The following CASR variants were observed in gnomAD, a reference collection of about 807,000 sequenced individuals.
CASR encodes calcium sensing receptor.
In CASR, 23 loss-of-function variants were observed where a neutral mutation model predicts 69.1. The observed-to-expected ratio is 0.33, with a 90% CI of 0.24 to 0.47. The LOEUF (loss-of-function observed/expected upper bound fraction) is 0.47. Ranked by LOEUF, CASR falls within the 20% of genes least tolerant of loss-of-function variation. CASR has a pLI of 1.00. For synonymous variants in CASR, 541 were observed against 544.7 expected, an observed-to-expected ratio of 0.99 and a Z score of 0.10; for missense variants, 924 against 1,356.1, an observed-to-expected ratio of 0.68 and a Z score of 5.00.
chr3:122,190,228 G>T (rs2107579401), intron 1 of CASR, among the ~76,000 whole-genome samples: 1 of 152,326 alleles, frequency 6.6e-6, no homozygotes, highest in African/African-American at 2.4e-5. Flanking sequence ...GCCCCTGCCA[G>T]TTAGAGCCCT....
At chr3:122,204,121 A>T (rs890666640) in intron 1 of CASR, among the ~76,000 whole-genome samples, 1 of 152,052 alleles carries the variant, frequency 6.6e-6, no homozygotes, top group African/African-American at 2.4e-5. Flanking sequence ...CTTCTCTTCT[A>T]GCTATTTTGA....
chr3:122,218,427 G>A (rs549470468), intron 1 of CASR, among the ~76,000 whole-genome samples: 4 of 151,782 alleles, frequency 2.6e-5, no homozygotes, highest in Non-Finnish European at 5.9e-5. Context: ...CCAGCTACTC[G>A]GGAGGCTGAG....
chr3:122,184,172 G>A (rs934632066), intron 1 of CASR: 2 of 152,368 alleles, frequency 1.3e-5, no homozygotes, highest in East Asian at 1.9e-4. Context: ...AAGGAACCGG[G>A]ACTAACTGGG....
At chr3:122,233,759 TA>T (rs2107610128) in intron 1 of CASR, among the ~76,000 whole-genome samples, 1 of 152,268 alleles carries the variant, frequency 6.6e-6, no homozygotes, top group South Asian at 2.1e-4. Flanking sequence ...CACAGGAAGG[TA>T]ACCAGCTCCC....
chr3:122,234,035 G>C (rs2074304602), intron 1 of CASR, among the ~76,000 whole-genome samples: 1 of 152,232 alleles, frequency 6.6e-6, no homozygotes, highest in Non-Finnish European at 1.5e-5. Flanking sequence ...TCCTCTGATT[G>C]AGAAAGCTGG....
intron 1 of CASR, among the ~76,000 whole-genome samples, chr3:122,212,830 C>A (rs777094454): frequency 6.6e-6 from 1 of 151,946 alleles, no homozygotes; most frequent in Non-Finnish European, 1.5e-5. Context: ...TTAGTAGAGA[C>A]GGGGTTTCTC....
In CASR at chr3:122,253,398, C is replaced by T. The variant is rs185779458; in HGVS notation, c.-242-550C>T. ...CTGGGATTACAGGCGTATGCCACCACATCCAGCTAATTTTGTATTTTTTTA... is the reference window on the plus strand; with the variant it reads ...CTGGGATTACAGGCGTATGCCACCATATCCAGCTAATTTTGTATTTTTTTA... On this transcript the variant is annotated intron_variant, in intron 1 of 6. Coordinates refer to ENST00000639785, the MANE Select transcript of CASR (RefSeq NM_000388.4). Among the ~76,000 whole-genome samples the T allele has an allele frequency of 4.6e-5, 7 of 152,320 alleles. No individual in the cohort carries two copies. In the South Asian group the frequency reaches 6.2e-4, roughly 14 times the overall value.
In CASR at chr3:122,285,062, G is replaced by A; in HGVS notation, c.3108G>A (p.Val1036=). 1 of 1,614,232 alleles carries A rather than the reference G, an allele frequency of 6.2e-7. No individual in the cohort carries two copies. Among genetic ancestry groups the A allele is most frequent in the Non-Finnish European group, 8.5e-7 (1 of 1,180,044 alleles). The change falls in exon 7 of 7, where the codon GTG becomes GTA. Residue 1036 remains valine, a synonymous_variant. Coordinates refer to ENST00000639785, the MANE Select transcript of CASR (RefSeq NM_000388.4). ...AGGAAACAGGTCTGCAAGGACCTGT[G>A]GGTGGAGACCAGCGGCCAGAGGTGG... The part of the protein sequence containing the change: ...TVQETGLQGP[V]GGDQRPEVED...
At chr3:122,265,565 C>G (rs543162724) in intron 4 of CASR, among the ~76,000 whole-genome samples, 1 of 152,296 alleles carries the variant, frequency 6.6e-6, no homozygotes, top group African/African-American at 2.4e-5. Flanking sequence ...GAGTGAATAG[C>G]AGTCTAGTTG....
At chr3:122,239,110 C>T (rs975361279) in intron 1 of CASR, among the ~76,000 whole-genome samples, 15 of 152,130 alleles carry the variant, frequency 9.9e-5, no homozygotes, top group Non-Finnish European at 2.2e-4. Flanking sequence ...GAGCACCAAG[C>T]GGGCTCTTGG....
chr3:122,201,449 C>T (rs989284293), intron 1 of CASR, among the ~76,000 whole-genome samples: 2 of 152,268 alleles, frequency 1.3e-5, no homozygotes, highest in African/African-American at 4.8e-5. Flanking sequence ...TTTTCCCCAC[C>T]TTTCCCCCTT....
intron 1 of CASR, among the ~76,000 whole-genome samples, chr3:122,252,277 C>G (rs953610511): frequency 1.4e-5 from 2 of 139,146 alleles, no homozygotes; most frequent in African/African-American, 5.4e-5. Flanking sequence ...CCAGGCTGGG[C>G]GACAGAGCCA....
At chr3:122,194,214 T>C (rs2073865835) in intron 1 of CASR, among the ~76,000 whole-genome samples, 1 of 152,154 alleles carries the variant, frequency 6.6e-6, no homozygotes, top group African/African-American at 2.4e-5. Flanking sequence ...TAACATGAAG[T>C]GTCCCCAAAT....
intron 5 of CASR, among the ~76,000 whole-genome samples, chr3:122,279,224 A>C (rs1449581668): frequency 6.6e-6 from 1 of 152,236 alleles, no homozygotes; most frequent in Non-Finnish European, 1.5e-5. Flanking sequence ...ATGGAGTGCT[A>C]TATCACTCTA....
intron 5 of CASR, among the ~76,000 whole-genome samples, chr3:122,277,981 C>T (rs902021710): frequency 2.6e-5 from 4 of 152,152 alleles, no homozygotes; most frequent in Non-Finnish European, 5.9e-5. Flanking sequence ...TTACCTCAAA[C>T]GTAGCACACA....
At position 122,275,927 on chromosome 3, in the gene CASR, C is replaced by A; in HGVS notation, c.1493C>A (p.Pro498Gln). Reference sequence around the variant, plus strand: ...TCCATCATCAACTGGCACCTCTCCCCAGAGGATGGCTCCATCGTGTTTAAG... The same window carrying A: ...TCCATCATCAACTGGCACCTCTCCCAAGAGGATGGCTCCATCGTGTTTAAG... ...NYSIINWHLSPEDGSIVFKEV... is the reference protein window; with the variant it reads ...NYSIINWHLSQEDGSIVFKEV... Residue 498 changes from proline (P) to glutamine (Q), a missense_variant, in exon 5 of 7, where the codon CCA (proline) becomes CAA (glutamine). By Grantham distance (76) the Pro-to-Gln change is moderately conservative. This residue lies in a region of CASR where 310 missense variants were observed against 395.7 expected (regional missense o/e 0.78). Transcript: ENST00000639785. 1.9e-6 allele frequency: 3 copies of A among 1,614,004 alleles called. No individual in the cohort carries two copies. Among genetic ancestry groups the A allele is most frequent in the Non-Finnish European group, 2.5e-6 (3 of 1,179,848 alleles).
At chr3:122,186,780 G>A (rs966644186) in intron 1 of CASR, among the ~76,000 whole-genome samples, 6 of 152,174 alleles carry the variant, frequency 3.9e-5, no homozygotes, top group African/African-American at 1.4e-4. Context: ...GGAAGGTTGA[G>A]GATATATTTG....
chr3:122,208,901 G>A (rs1278035917), intron 1 of CASR, among the ~76,000 whole-genome samples: 1 of 152,160 alleles, frequency 6.6e-6, no homozygotes, highest in Non-Finnish European at 1.5e-5. Flanking sequence ...GGCTAACGTA[G>A]TGGAGGAAAA....
At chr3:122,186,982 C>T (rs931549072) in intron 1 of CASR, among the ~76,000 whole-genome samples, 3 of 152,180 alleles carry the variant, frequency 2.0e-5, no homozygotes, top group African/African-American at 7.2e-5. Context: ...TCATGGTTTG[C>T]CATTGCTGTA....
Sources: allele counts gnomAD v4.1 joint callset (sites outside exome capture counted in the v4.1 genomes callset), GRCh38; gene constraint gnomAD v4.1.1; regional missense constraint gnomAD v4.1.1; transcripts MANE v1.5; gene names NCBI Gene and HGNC (gene_info 2026-07-23, HGNC 2026-07-21).